RALGAPA2: variants seen among roughly 807,000 people sequenced by gnomAD.
The protein encoded by RALGAPA2 is ral GTPase-activating protein subunit alpha-2.
In RALGAPA2, 139 loss-of-function variants were observed where a neutral mutation model predicts 230.4. The observed-to-expected ratio is 0.60, with a 90% CI of 0.53 to 0.69. RALGAPA2 has a LOEUF of 0.69. Ranked by LOEUF, RALGAPA2 falls within the 30% of genes least tolerant of loss-of-function variation. The pLI is 0.00. For missense variants in RALGAPA2, 2,163 were observed against 2,276.0 expected, an observed-to-expected ratio of 0.95 and a Z score of 1.01; for synonymous variants, 847 against 837.8, an observed-to-expected ratio of 1.01 and a Z score of -0.19.
At chr20:20,447,180 G>A (rs2060883600) in intron 37 of RALGAPA2, among the ~76,000 whole-genome samples, 1 of 152,200 alleles carries the variant, frequency 6.6e-6, no homozygotes, top group Non-Finnish European at 1.5e-5. Context: ...ACCAGAAGGA[G>A]GTCAGCTGTC....
chr20:20,712,344 C>T lies in RALGAPA2; in HGVS notation c.106+31G>A, dbSNP rs1254865924. On this transcript the variant is annotated intron_variant, in intron 1 of 39. Coordinates refer to ENST00000202677, the MANE Select transcript of RALGAPA2 (RefSeq NM_020343.4). The surrounding 1 kb of genome is among the most constrained non-coding windows in gnomAD (Gnocchi z 5.5). ...CCCGGCAGGTGCCCCTAACCCGGCG[C>T]CCCGACCCCCGCGCCCGGCGCGCGC... 8 of 1,543,528 alleles carry T rather than the reference C, an allele frequency of 5.2e-6. No homozygotes were observed. The highest frequency in any genetic ancestry group is 4.1e-5 in the African/African-American group (3 of 72,442).
chr20:20,559,097 C>T lies in RALGAPA2; in HGVS notation c.3157-12265G>A, dbSNP rs578252142. On this transcript the variant is annotated intron_variant, in intron 23 of 39. Coordinates refer to ENST00000202677, the MANE Select transcript of RALGAPA2 (RefSeq NM_020343.4). ...TTTTAGAATATGATTATTATCCATT[C>T]TTTTCATTCTAAGAAAACACAAAAT... 3.3e-5 allele frequency among the ~76,000 whole-genome samples: 5 copies of T among 152,266 alleles called. No individual in the cohort carries two copies. The South Asian group carries it at 1.0e-3, about 32-fold the overall frequency.
chr20:20,694,754 G>A (rs189768316), intron 1 of RALGAPA2, among the ~76,000 whole-genome samples: 22 of 152,278 alleles, frequency 1.4e-4, no homozygotes, highest in African/African-American at 4.1e-4. Context: ...ATGTAAAACC[G>A]TGTTTGTGTG....
In RALGAPA2 at chr20:20,631,097, A is replaced by G. The variant is rs573079092; in HGVS notation, c.1006-1507T>C. On this transcript the variant is annotated intron_variant, in intron 9 of 39. Transcript: ENST00000202677. ...CCTAGCCACTATCAGACCCGGGCCC[A>G]AGAGGCTGACAGTTAACAATTCCCA... Among the ~76,000 whole-genome samples the G allele has an allele frequency of 9.8e-5, 15 of 152,304 alleles. No individual in the cohort carries two copies. The South Asian group carries it at 1.2e-3, about 13-fold the overall frequency.
In RALGAPA2 at chr20:20,524,732, T is replaced by C. The variant is rs561245273; in HGVS notation, c.3762+98A>G. The C allele has an allele frequency of 5.6e-5, 69 of 1,232,380 alleles. No individual in the cohort carries two copies. In the East Asian group the frequency reaches 6.3e-4, roughly 11 times the overall value. 76.3% of individuals were successfully genotyped at this position (1,232,380 alleles called of 1,614,324 possible). A position where few individuals can be genotyped will look rare whatever the true frequency, so the allele number is the denominator to read the frequency against. ...GACTGTTAAGGCCAATAGAGAAGGA[T>C]ATTACAAAGGATATCACTAGTTGTA... On this transcript the variant is annotated intron_variant, in intron 29 of 39. Transcript: ENST00000202677.
At chr20:20,624,411 A>G (rs1470377070) in intron 10 of RALGAPA2, among the ~76,000 whole-genome samples, 1 of 152,044 alleles carries the variant, frequency 6.6e-6, no homozygotes, top group Non-Finnish European at 1.5e-5. Flanking sequence ...GTTCCAGGAC[A>G]TCTTCCTGAA....
At chr20:20,544,324 G>A (rs1444183870) in intron 24 of RALGAPA2, among the ~76,000 whole-genome samples, 1 of 148,438 alleles carries the variant, frequency 6.7e-6, no homozygotes. Flanking sequence ...GGGTGACAGA[G>A]CAAGACTCTG....
intron 38 of RALGAPA2, among the ~76,000 whole-genome samples, chr20:20,404,190 C>T (rs977460938): frequency 6.6e-6 from 1 of 152,128 alleles, no homozygotes; most frequent in Non-Finnish European, 1.5e-5. Flanking sequence ...GTGAATTTGG[C>T]CACATCAATG....
intron 15 of RALGAPA2, 117 bp from the exon 16 acceptor site, chr20:20,601,963 C>T: frequency 1.0e-6 from 1 of 953,950 alleles, no homozygotes; most frequent in Non-Finnish European, 1.4e-6. Context: ...GTTTCCTTGT[C>T]ACAAATTAAG....
At chr20:20,609,479 T>C (rs1452101157) in intron 14 of RALGAPA2, among the ~76,000 whole-genome samples, 1 of 152,098 alleles carries the variant, frequency 6.6e-6, no homozygotes, top group Non-Finnish European at 1.5e-5. Flanking sequence ...CAAGGTTTTC[T>C]CCATTCATGG....
chr20:20,515,211 A>G (rs970594518), intron 31 of RALGAPA2, among the ~76,000 whole-genome samples: 7 of 152,210 alleles, frequency 4.6e-5, no homozygotes, highest in African/African-American at 1.4e-4. Flanking sequence ...TTTTACCCAT[A>G]AACACCATCT....
At chr20:20,705,223 T>C (rs1198809858) in intron 1 of RALGAPA2, among the ~76,000 whole-genome samples, 2 of 152,268 alleles carry the variant, frequency 1.3e-5, no homozygotes. Flanking sequence ...TTTGTTGTTG[T>C]TGATACAGGG....
chr20:20,558,807 T>TAAAA (rs35519955), intron 23 of RALGAPA2, among the ~76,000 whole-genome samples: 2 of 91,210 alleles, frequency 2.2e-5, no homozygotes, highest in African/African-American at 8.2e-5. Context: ...TCAACTCTGC[T>TAAAA]AAAAAAAAAA....
rs748877467 is a variant in RALGAPA2, at chr20:20,524,898, T to C, written c.3694A>G (p.Ile1232Val). ...ETSLPRKMAE[I>V]LVATVAFLLP... The stretch of plus-strand genomic sequence containing the variant: ...AGAAAAGCAACTGTGGCCACGAGGA[T>C]CTGCATAAAAGATAAATCCCCAATC... The change falls in exon 29 of 40, where the codon ATC (isoleucine) becomes GTC (valine). Residue 1232 changes from isoleucine (I) to valine (V), a missense_variant and splice_region_variant. Physicochemically the swap from Ile to Val is conservative, Grantham distance 29 (BLOSUM62 3). Coordinates refer to ENST00000202677, the MANE Select transcript of RALGAPA2 (RefSeq NM_020343.4). The C allele has an allele frequency of 3.1e-6, 5 of 1,603,790 alleles. No individual in the cohort carries two copies. Among genetic ancestry groups the C allele is most frequent in the East Asian group, 2.2e-5 (1 of 44,640 alleles).
At chr20:20,602,352 T>TA (rs2065681903) in intron 15 of RALGAPA2, among the ~76,000 whole-genome samples, 1 of 152,166 alleles carries the variant, frequency 6.6e-6, no homozygotes, top group South Asian at 2.1e-4. Flanking sequence ...CTACAAATAA[T>TA]ACAAAATCCT....
At chr20:20,465,139 C>T (rs918797297) in intron 37 of RALGAPA2, among the ~76,000 whole-genome samples, 1 of 96,318 alleles carries the variant, frequency 1.0e-5, no homozygotes, top group Non-Finnish European at 2.1e-5. Context: ...TTCCCTCCCC[C>T]CGCAGGCCTT....
At chr20:20,537,384 C>T (rs973243782) in intron 24 of RALGAPA2, among the ~76,000 whole-genome samples, 1 of 152,090 alleles carries the variant, frequency 6.6e-6, no homozygotes, top group African/African-American at 2.4e-5. Context: ...CTTTGGGAGG[C>T]TGAGGCGGGT....
At chr20:20,664,949 C>G (rs937217426) in intron 3 of RALGAPA2, among the ~76,000 whole-genome samples, 1 of 152,162 alleles carries the variant, frequency 6.6e-6, no homozygotes, top group Non-Finnish European at 1.5e-5. Context: ...CCAGACCCTT[C>G]CAACCTGTAC....
chr20:20,687,533 C>T (rs2068750623), intron 1 of RALGAPA2, among the ~76,000 whole-genome samples: 1 of 152,074 alleles, frequency 6.6e-6, no homozygotes, highest in South Asian at 2.1e-4. Flanking sequence ...CTGATCCAAG[C>T]AAAATGAGAA....
Sources: allele counts gnomAD v4.1 joint callset (sites outside exome capture counted in the v4.1 genomes callset), GRCh38; gene constraint gnomAD v4.1.1; non-coding constraint Gnocchi (gnomAD v3.1); transcripts MANE v1.5; gene names NCBI Gene and HGNC (gene_info 2026-07-23, HGNC 2026-07-21).